The following PKNOX1 variants were observed in gnomAD, a reference collection of about 807,000 sequenced individuals.
The protein encoded by PKNOX1 is PBX/knotted 1 homeobox 1.
In PKNOX1, 15 loss-of-function variants were observed where a neutral mutation model predicts 51.9. The observed-to-expected ratio is 0.29, with a 90% CI of 0.19 to 0.45. The LOEUF is 0.45. Ranked by LOEUF, PKNOX1 falls within the 20% of genes least tolerant of loss-of-function variation. PKNOX1 has a pLI of 1.00. For synonymous variants in PKNOX1, 219 were observed against 211.1 expected, an observed-to-expected ratio of 1.04 and a Z score of -0.32; for missense variants, 462 against 547.5, an observed-to-expected ratio of 0.84 and a Z score of 1.56.
At chr21:42,975,099 C>T (rs1601258639) in intron 1 of PKNOX1, among the ~76,000 whole-genome samples, 4 of 139,370 alleles carry the variant, frequency 2.9e-5, no homozygotes, top group Non-Finnish European at 4.7e-5. Context: ...GCGTGAGGGT[C>T]GGGGGCGCGC....
intron 1 of PKNOX1, among the ~76,000 whole-genome samples, chr21:42,986,002 G>GAAAAA (rs376565583): frequency 1.8e-5 from 2 of 110,516 alleles, no homozygotes; most frequent in Non-Finnish European, 1.9e-5. Flanking sequence ...CTCTGTCTCA[G>GAAAAA]AAAAAAAAAA....
At chr21:43,020,134 T>C (rs1391845106) in intron 7 of PKNOX1, among the ~76,000 whole-genome samples, 1 of 151,886 alleles carries the variant, frequency 6.6e-6, no homozygotes, top group Non-Finnish European at 1.5e-5. Flanking sequence ...GGTCTCACTA[T>C]GTTGCCCATG....
At chr21:43,009,711 C>T (rs1320885774) in intron 3 of PKNOX1, among the ~76,000 whole-genome samples, 1 of 151,652 alleles carries the variant, frequency 6.6e-6, no homozygotes, top group East Asian at 1.9e-4. Flanking sequence ...ACACCACGGT[C>T]ACAGGTTAGA....
chr21:43,020,084 A>G (rs1979689067), intron 7 of PKNOX1, among the ~76,000 whole-genome samples: 1 of 151,662 alleles, frequency 6.6e-6, no homozygotes, highest in South Asian at 2.1e-4. Context: ...GGCATGTGCC[A>G]CCTTGCCCAG....
chr21:42,983,976 T>TCA (rs1359513220), intron 1 of PKNOX1, among the ~76,000 whole-genome samples: 7 of 152,216 alleles, frequency 4.6e-5, no homozygotes, highest in Non-Finnish European at 2.9e-5. Flanking sequence ...GAGCATCTTT[T>TCA]CACATGTTCA....
intron 10 of PKNOX1, among the ~76,000 whole-genome samples, 172 bp from the exon 11 acceptor site, chr21:43,029,718 A>AC (rs1446713135): frequency 6.6e-6 from 1 of 151,948 alleles, no homozygotes; most frequent in Non-Finnish European, 1.5e-5. Flanking sequence ...GGCATGAGCT[A>AC]CCGCGCCCGG....
intron 1 of PKNOX1, among the ~76,000 whole-genome samples, chr21:42,981,827 G>A (rs1050236940): frequency 2.0e-5 from 3 of 152,206 alleles, no homozygotes; most frequent in African/African-American, 7.2e-5. Context: ...TGGGTGGGTG[G>A]TGAGATAGGT....
chr21:42,991,460 C>A (rs960045818), intron 1 of PKNOX1, among the ~76,000 whole-genome samples: 13 of 152,204 alleles, frequency 8.5e-5, no homozygotes, highest in African/African-American at 3.1e-4. Context: ...GGCGTGGTGG[C>A]TCACGCCTGT....
chr21:43,029,647 G>GGT (rs1407397224), intron 10 of PKNOX1, among the ~76,000 whole-genome samples: 1 of 151,746 alleles, frequency 6.6e-6, no homozygotes, highest in African/African-American at 2.4e-5. Flanking sequence ...TCACCAGGAT[G>GGT]GTCTTGATCT....
intron 1 of PKNOX1, among the ~76,000 whole-genome samples, chr21:42,979,187 G>T (rs2059013591): frequency 6.6e-6 from 1 of 152,062 alleles, no homozygotes; most frequent in Non-Finnish European, 1.5e-5. Flanking sequence ...CGAAGTGTTG[G>T]GATTACCCAT....
chr21:43,005,109 C>T lies in PKNOX1; in HGVS notation c.51+677C>T, dbSNP rs370434516. Among the ~76,000 whole-genome samples the T allele has an allele frequency of 5.9e-5, 9 of 152,326 alleles. No homozygotes were observed. In the South Asian group the frequency reaches 6.2e-4, roughly 11 times the overall value. On this transcript the variant is annotated intron_variant, in intron 2 of 10. Transcript: ENST00000291547. The stretch of plus-strand genomic sequence containing the variant: ...TCTTGGCTTGCGATCTTGTTAAACA[C>T]GGTGTTCTGAACCCACTGGCATTTG...
intron 9 of PKNOX1, among the ~76,000 whole-genome samples, chr21:43,026,813 TCTCGC>T (rs1307691923): frequency 6.9e-6 from 1 of 145,238 alleles, no homozygotes; most frequent in Non-Finnish European, 1.5e-5. Flanking sequence ...CCCTCCCAGG[TCTCGC>T]TGGGGTTGTG....
intron 4 of PKNOX1, among the ~76,000 whole-genome samples, chr21:43,011,361 G>A (rs572840989): frequency 3.3e-4 from 50 of 152,216 alleles, no homozygotes; most frequent in African/African-American, 1.1e-3. Flanking sequence ...GAGCCACCAC[G>A]CCCGGCGACA....
chr21:43,024,703 ACGAGGAGAAACACTTTGTT>A lies in PKNOX1; in HGVS notation c.850-165_850-147del, dbSNP rs139457524. 1.8e-4 allele frequency: 110 copies of A among 596,026 alleles called. No homozygotes were observed. The East Asian group carries it at 2.0e-3, about 11-fold the overall frequency. The allele number at this position is 596,026 out of a possible 1,614,324, so 36.9% of individuals were successfully genotyped here. On this transcript the variant is annotated intron_variant, in intron 8 of 10. Coordinates refer to ENST00000291547, the MANE Select transcript of PKNOX1 (RefSeq NM_004571.5). ...ACTGCAGCACTAGGACATTCCTGGGACGAGGAGAAACACTTTGTTCGTGAGACTACAGTTAGGTTTTGGC... is the reference window on the plus strand; with the variant it reads ...ACTGCAGCACTAGGACATTCCTGGGACGTGAGACTACAGTTAGGTTTTGGC...
intron 1 of PKNOX1, among the ~76,000 whole-genome samples, chr21:42,983,842 G>C (rs1034248754): frequency 6.6e-6 from 1 of 151,916 alleles, no homozygotes; most frequent in Non-Finnish European, 1.5e-5. Flanking sequence ...CAGTTTCTCC[G>C]TATCTTACCC....
intron 5 of PKNOX1, among the ~76,000 whole-genome samples, chr21:43,015,633 G>A (rs2146278984): frequency 6.6e-6 from 1 of 152,102 alleles, no homozygotes; most frequent in East Asian, 1.9e-4. Context: ...TTTTTTTCTG[G>A]AGATTATGTA....
intron 2 of PKNOX1, 127 bp from the exon 3 acceptor site, chr21:43,007,364 C>T: frequency 1.2e-6 from 1 of 826,194 alleles, no homozygotes; most frequent in South Asian, 1.6e-5. Flanking sequence ...TGGTAGCATT[C>T]TTTACATATG....
intron 1 of PKNOX1, among the ~76,000 whole-genome samples, chr21:43,001,794 A>G (rs570887349): frequency 9.2e-5 from 14 of 151,914 alleles, no homozygotes; most frequent in Non-Finnish European, 1.3e-4. Flanking sequence ...CCCCGTCTCT[A>G]CTGAAAAGAC....
chr21:42,987,110 G>A (rs1235558124), intron 1 of PKNOX1, among the ~76,000 whole-genome samples: 1 of 151,886 alleles, frequency 6.6e-6, no homozygotes, highest in Non-Finnish European at 1.5e-5. Context: ...GGCCAGGTGC[G>A]GTGGCTCACA....
Sources: allele counts gnomAD v4.1 joint callset (sites outside exome capture counted in the v4.1 genomes callset), GRCh38; gene constraint gnomAD v4.1.1; transcripts MANE v1.5; gene names NCBI Gene and HGNC (gene_info 2026-07-23, HGNC 2026-07-21).